Variants in CXCR6 observed in about 807,000 individuals in gnomAD.
CXCR6 encodes the protein C-X-C motif chemokine receptor 6, also known as C-X-C chemokine receptor type 6.
In CXCR6, 3 loss-of-function variants were observed where a neutral mutation model predicts 1.6. The ratio of observed to expected loss-of-function variants is 1.83; its 90% CI spans 0.83 to 4.72. The LOEUF is 4.72. CXCR6 is among the 30% of genes most tolerant of loss of function. CXCR6 has a pLI of 0.02. For missense variants in CXCR6, 326 were observed against 414.8 expected, an observed-to-expected ratio of 0.79 and a Z score of 1.86; for synonymous variants, 171 against 159.2, an observed-to-expected ratio of 1.07 and a Z score of -0.56.
In CXCR6 at chr3:45,946,956, T is replaced by A; in HGVS notation, c.475T>A (p.Ser159Thr). Residue 159 changes from serine to threonine, a missense_variant, in exon 2 of 2, where the codon TCC becomes ACC. By Grantham distance (58) the Ser-to-Thr change is moderately conservative. Transcript: ENST00000304552. ...KVTSLLIWVISLLVSLPQIIY... is the reference protein window; with the variant it reads ...KVTSLLIWVITLLVSLPQIIY... ...CACCAGCTTGCTCATCTGGGTGATATCCCTGCTGGTTTCCTTGCCCCAAAT... is the reference window on the plus strand; with the variant it reads ...CACCAGCTTGCTCATCTGGGTGATAACCCTGCTGGTTTCCTTGCCCCAAAT... The A allele has an allele frequency of 6.2e-7, 1 of 1,614,228 alleles. No individual in the cohort carries two copies. Among genetic ancestry groups the A allele is most frequent in the Middle Eastern group, 1.6e-4 (1 of 6,062 alleles).
intron 1 of CXCR6, among the ~76,000 whole-genome samples, chr3:45,944,137 A>T (rs1704427608): frequency 6.6e-6 from 1 of 151,980 alleles, no homozygotes; most frequent in Non-Finnish European, 1.5e-5. Context: ...TGGCAGAAGG[A>T]TTCAAGGGGT....
chr3:45,946,990 G>C lies in CXCR6; in HGVS notation c.509G>C (p.Gly170Ala). 6.2e-7 allele frequency: 1 copy of C among 1,614,212 alleles called. No homozygotes were observed. Among genetic ancestry groups the C allele is most frequent in the East Asian group, 2.2e-5 (1 of 44,886 alleles). Residue 170 changes from glycine (G) to alanine (A), a missense_variant, in exon 2 of 2, where the codon GGC becomes GCC. Physicochemically the swap from Gly to Ala is moderately conservative, Grantham distance 60. Coordinates refer to ENST00000304552, the MANE Select transcript of CXCR6 (RefSeq NM_006564.2). ...LLVSLPQIIY[G>A]NVFNLDKLIC... is the part of the protein sequence containing the mutation. ...GTTTCCTTGCCCCAAATTATCTATG[G>C]CAATGTCTTTAATCTCGACAAGCTC...
chr3:45,943,971 A>G (rs1264732963), intron 1 of CXCR6, among the ~76,000 whole-genome samples: 1 of 152,230 alleles, frequency 6.6e-6, no homozygotes, highest in Non-Finnish European at 1.5e-5. Flanking sequence ...TTTGAAAACT[A>G]TTTTAAAAAA....
In CXCR6 at chr3:45,946,526, C is replaced by T; in HGVS notation, c.45C>T (p.Phe15=). The T allele has an allele frequency of 6.2e-7, 1 of 1,614,190 alleles. No individual in the cohort carries two copies. The highest frequency in any genetic ancestry group is 8.5e-7 in the Non-Finnish European group (1 of 1,180,012). Residue 15 remains phenylalanine, a synonymous_variant, in exon 2 of 2, where the codon TTC becomes TTT. Transcript: ENST00000304552. ...DYHEDYGFSS[F]NDSSQEEHQD... Reference sequence around the variant, plus strand: ...ATGAAGACTATGGGTTCAGCAGTTTCAATGACAGCAGCCAGGAGGAGCATC... The same window carrying T: ...ATGAAGACTATGGGTTCAGCAGTTTTAATGACAGCAGCCAGGAGGAGCATC...
At position 45,947,730 on chromosome 3, in the gene CXCR6, A is replaced by C; in HGVS notation, c.*220A>C. 1 of 553,384 alleles carries C rather than the reference A, an allele frequency of 1.8e-6. No homozygotes were observed. Among genetic ancestry groups the C allele is most frequent in the East Asian group, 3.0e-5 (1 of 33,344 alleles). 34.3% of individuals were successfully genotyped at this position (553,384 alleles called of 1,614,324 possible). A position where few individuals can be genotyped will look rare whatever the true frequency, so the allele number is the denominator to read the frequency against. ...CCAAGTAGGGGGTCTAAAATTTTTA[A>C]GGACTTTCCTTCCTCCATCTCCAAG... is the stretch of plus-strand genomic sequence containing the variant. On this transcript the variant is annotated 3_prime_UTR_variant, in exon 2 of 2. Transcript: ENST00000304552.
chr3:45,947,587 T>A lies in CXCR6; in HGVS notation c.*77T>A. The A allele has an allele frequency of 8.6e-7, 1 of 1,160,416 alleles. No individual in the cohort carries two copies. Among genetic ancestry groups the A allele is most frequent in the African/African-American group, 1.5e-5 (1 of 65,194 alleles). The allele number at this position is 1,160,416 out of a possible 1,614,324, so 71.9% of individuals were successfully genotyped here. On this transcript the variant is annotated 3_prime_UTR_variant, in exon 2 of 2. Coordinates refer to ENST00000304552, the MANE Select transcript of CXCR6 (RefSeq NM_006564.2). Reference sequence around the variant, plus strand: ...GCCCTCTTGATGTGGTGAGGCAGGCTTTGTTTATAGCTTGCGCATTCTCAT... The same window carrying A: ...GCCCTCTTGATGTGGTGAGGCAGGCATTGTTTATAGCTTGCGCATTCTCAT...
At chr3:45,943,026 G>C (rs1002363823), upstream of CXCR6, among the ~76,000 whole-genome samples, 1 of 152,154 alleles carries the variant, frequency 6.6e-6, no homozygotes, top group Admixed American at 6.5e-5. Context: ...ATAAAGGCAG[G>C]ATAATATCCA....
upstream of CXCR6, among the ~76,000 whole-genome samples, chr3:45,942,229 G>A (rs1704272835): frequency 6.6e-6 from 1 of 152,238 alleles, no homozygotes; most frequent in Non-Finnish European, 1.5e-5. Context: ...GACAGTCCTG[G>A]GTGACTGCCA....
upstream of CXCR6, among the ~76,000 whole-genome samples, chr3:45,942,704 A>T (rs898624563): frequency 6.6e-6 from 1 of 152,194 alleles, no homozygotes; most frequent in Non-Finnish European, 1.5e-5. Flanking sequence ...TAGATCATGG[A>T]GACTGACAAC....
intron 1 of CXCR6, among the ~76,000 whole-genome samples, chr3:45,944,846 C>T (rs1704481991): frequency 6.6e-6 from 1 of 152,168 alleles, no homozygotes; most frequent in African/African-American, 2.4e-5. Context: ...GCAAAGCCAC[C>T]TGTTTCATAT....
rs1575349799 is a variant in CXCR6 at position 45,948,188 on chromosome 3, T to C, written c.*678T>C. On this transcript the variant is annotated 3_prime_UTR_variant, in exon 2 of 2. Transcript: ENST00000304552. ...CTGTAATGAATCTAAGCAGCATTTC[T>C]GAAGTGGACTCTTTGGTGGCTTTGC... The C allele has an allele frequency of 6.0e-6, 1 of 167,306 alleles. No homozygotes were observed. Among genetic ancestry groups the C allele is most frequent in the East Asian group, 1.9e-4 (1 of 5,194 alleles). 10.4% of individuals were successfully genotyped at this position (167,306 alleles called of 1,614,324 possible).
upstream of CXCR6, among the ~76,000 whole-genome samples, chr3:45,941,792 C>T (rs1367437136): frequency 6.6e-6 from 1 of 152,238 alleles, no homozygotes; most frequent in Non-Finnish European, 1.5e-5. Flanking sequence ...CTTGACAAGG[C>T]TCAGGCCATT....
intron 1 of CXCR6, among the ~76,000 whole-genome samples, chr3:45,944,135 G>A (rs916986565): frequency 1.3e-5 from 2 of 152,016 alleles, no homozygotes; most frequent in Non-Finnish European, 2.9e-5. Context: ...CATGGCAGAA[G>A]GATTCAAGGG....
chr3:45,944,185 T>C (rs955333416), intron 1 of CXCR6, among the ~76,000 whole-genome samples: 2 of 146,706 alleles, frequency 1.4e-5, no homozygotes, highest in Non-Finnish European at 2.9e-5. Flanking sequence ...TTTGTGTGTG[T>C]GCGTGTGTGT....
chr3:45,947,614 G>C lies in CXCR6; in HGVS notation c.*104G>C. On this transcript the variant is annotated 3_prime_UTR_variant, in exon 2 of 2. Transcript: ENST00000304552. ...TGTTTATAGCTTGCGCATTCTCATG[G>C]AGAAGTTATCAGACACTCTGGCTGG... 1 of 879,010 alleles carries C rather than the reference G, an allele frequency of 1.1e-6. No individual in the cohort carries two copies. The highest frequency in any genetic ancestry group is 1.8e-6 in the Non-Finnish European group (1 of 554,944). The allele number at this position is 879,010 out of a possible 1,614,324, so 54.5% of individuals were successfully genotyped here.
chr3:45,947,623 T>C lies in CXCR6; in HGVS notation c.*113T>C. On this transcript the variant is annotated 3_prime_UTR_variant, in exon 2 of 2. Transcript: ENST00000304552. ...CTTGCGCATTCTCATGGAGAAGTTA[T>C]CAGACACTCTGGCTGGTTTGGAATG... 1.3e-6 allele frequency: 1 copy of C among 792,360 alleles called. No individual in the cohort carries two copies. Among genetic ancestry groups the C allele is most frequent in the Non-Finnish European group, 2.1e-6 (1 of 481,902 alleles). The allele number at this position is 792,360 out of a possible 1,614,324, so 49.1% of individuals were successfully genotyped here. A position where few individuals can be genotyped will look rare whatever the true frequency, so the allele number is the denominator to read the frequency against.
Position 45,947,602 on chromosome 3 carries a change from C to T in CXCR6, c.*92C>T, listed in dbSNP as rs940998161. On this transcript the variant is annotated 3_prime_UTR_variant, in exon 2 of 2. Transcript: ENST00000304552. Reference sequence around the variant, plus strand: ...TGAGGCAGGCTTTGTTTATAGCTTGCGCATTCTCATGGAGAAGTTATCAGA... The same window carrying T: ...TGAGGCAGGCTTTGTTTATAGCTTGTGCATTCTCATGGAGAAGTTATCAGA... 2.4e-5 allele frequency: 24 copies of T among 990,496 alleles called. No homozygotes were observed. Among genetic ancestry groups the T allele is most frequent in the East Asian group, 1.2e-4 (5 of 41,594 alleles). The allele number at this position is 990,496 out of a possible 1,614,324, so 61.4% of individuals were successfully genotyped here. A position where few individuals can be genotyped will look rare whatever the true frequency, so the allele number is the denominator to read the frequency against.
rs1222033673 is a variant in CXCR6, at chr3:45,946,454, C to A, written c.-21-7C>A. 17 of 1,578,192 alleles carry A rather than the reference C, an allele frequency of 1.1e-5. No individual in the cohort carries two copies. Among genetic ancestry groups the A allele is most frequent in the Non-Finnish European group, 1.5e-5 (17 of 1,153,310 alleles). On this transcript the variant is annotated splice_region_variant and splice_polypyrimidine_tract_variant and intron_variant, in intron 1 of 1. Coordinates refer to ENST00000304552, the MANE Select transcript of CXCR6 (RefSeq NM_006564.2). ...CCCAAATATAATTCCTGGGTTCTGACTCACAGGTGTTCATCAGAACAGACA... is the reference window on the plus strand; with the variant it reads ...CCCAAATATAATTCCTGGGTTCTGAATCACAGGTGTTCATCAGAACAGACA...
At position 45,947,852 on chromosome 3, in the gene CXCR6, A is replaced by G. The variant is rs1704734605; in HGVS notation, c.*342A>G. The G allele has an allele frequency of 7.4e-6, 2 of 270,612 alleles. No homozygotes were observed. 16.8% of individuals were successfully genotyped at this position (270,612 alleles called of 1,614,324 possible). On this transcript the variant is annotated 3_prime_UTR_variant, in exon 2 of 2. Coordinates refer to ENST00000304552, the MANE Select transcript of CXCR6 (RefSeq NM_006564.2). Reference sequence around the variant, plus strand: ...AAGGTTGAAGAGGTGAGCACGGCCAACAAAGCTGTTGATGGTAGGTGGCAC... The same window carrying G: ...AAGGTTGAAGAGGTGAGCACGGCCAGCAAAGCTGTTGATGGTAGGTGGCAC...
Sources: allele counts gnomAD v4.1 joint callset (sites outside exome capture counted in the v4.1 genomes callset), GRCh38; gene constraint gnomAD v4.1.1; transcripts MANE v1.5; gene names NCBI Gene and HGNC (gene_info 2026-07-23, HGNC 2026-07-21).